Variants in MYH15 observed in about 807,000 individuals in gnomAD.
MYH15 encodes the protein myosin heavy chain 15.
A neutral mutation model predicts 240.5 loss-of-function variants in MYH15; 227 were observed. That is an observed-to-expected ratio of 0.94 (90% CI 0.85 to 1.05). The LOEUF is 1.05. Ranked by LOEUF, MYH15 falls within the 50% of genes least tolerant of loss-of-function variation. MYH15 has a pLI of 0.00. For synonymous variants in MYH15, 785 were observed against 796.7 expected (o/e 0.99, Z 0.25); for missense variants, 2,217 against 2,247.5 (o/e 0.99, Z 0.27).
At chr3:108,386,331 A>G (rs1050372639) in intron 38 of MYH15, among the ~76,000 whole-genome samples, 2 of 152,210 alleles carry the variant, frequency 1.3e-5, no homozygotes, top group African/African-American at 4.8e-5. Context: ...GGCATTGAGT[A>G]ACTGGTGACC....
intron 29 of MYH15, 136 bp downstream of exon 29, chr3:108,416,676 G>T: frequency 2.7e-6 from 2 of 732,134 alleles, no homozygotes; most frequent in Non-Finnish European, 2.3e-6. Context: ...TTCCTGGCAT[G>T]GTTTTTCCCC....
chr3:108,389,806 G>A (rs910174991), intron 37 of MYH15, among the ~76,000 whole-genome samples: 3 of 152,160 alleles, frequency 2.0e-5, no homozygotes, highest in African/African-American at 7.2e-5. Flanking sequence ...TGCCTAGGGG[G>A]CTCTTACCCA....
chr3:108,426,512 G>T (rs1177501920), intron 27 of MYH15, among the ~76,000 whole-genome samples: 1 of 152,176 alleles, frequency 6.6e-6, no homozygotes, highest in Non-Finnish European at 1.5e-5. Flanking sequence ...TTCAGCTCAG[G>T]TCACCACTCT....
intron 38 of MYH15, among the ~76,000 whole-genome samples, chr3:108,386,649 C>T (rs936979687): frequency 4.8e-4 from 73 of 151,884 alleles, no homozygotes; most frequent in Non-Finnish European, 2.2e-4. Flanking sequence ...TCTCCCTTCA[C>T]GTCTCTGCCC....
the MYH15 span, among the ~76,000 whole-genome samples, chr3:108,544,057 T>C: frequency 6.6e-6 from 1 of 152,242 alleles, no homozygotes; most frequent in Non-Finnish European, 1.5e-5. Context: ...GTTTTCAGAA[T>C]GATGATTTGT....
intron 28 of MYH15, among the ~76,000 whole-genome samples, chr3:108,417,959 C>T (rs1387756577): frequency 1.3e-5 from 2 of 151,974 alleles, no homozygotes; most frequent in African/African-American, 2.4e-5. Context: ...CAGAAAAGTC[C>T]AAGAGTTGAG....
intron 27 of MYH15, among the ~76,000 whole-genome samples, chr3:108,423,094 A>T (rs966764474): frequency 1.3e-5 from 2 of 152,110 alleles, no homozygotes; most frequent in African/African-American, 4.8e-5. Flanking sequence ...GGAAACAGGG[A>T]CTCTCACAAG....
chr3:108,421,733 G>C (rs9825000), intron 27 of MYH15, among the ~76,000 whole-genome samples: 2,599 of 152,242 alleles, frequency 0.017, 75 homozygotes, highest in African/African-American at 0.059. Flanking sequence ...AATCTAGAAG[G>C]CTGCCCAAGC....
intron 9 of MYH15, among the ~76,000 whole-genome samples, chr3:108,490,470 T>C (rs139209248): frequency 1.1e-4 from 17 of 152,342 alleles, no homozygotes; most frequent in African/African-American, 3.8e-4. Context: ...CAAATCAGCG[T>C]GTAGTTCTCC....
chr3:108,418,027 AG>A lies in MYH15; in HGVS notation c.3830-1098del, dbSNP rs552164572. Among the ~76,000 whole-genome samples the A allele has an allele frequency of 2.0e-5, 3 of 152,340 alleles. No homozygotes were observed. The South Asian group carries it at 6.2e-4, about 32-fold the overall frequency. Reference sequence around the variant, plus strand: ...TTCTAAAATATAATTTTTACCTAAAAGCTCCTATTTTGTTATTGGCAACAAA... The same window carrying A: ...TTCTAAAATATAATTTTTACCTAAAACTCCTATTTTGTTATTGGCAACAAA... On this transcript the variant is annotated intron_variant, in intron 28 of 40. Transcript: ENST00000693548.
At chr3:108,399,433 G>A (rs549975952) in intron 33 of MYH15, among the ~76,000 whole-genome samples, 166 bp from the exon 34 acceptor site, 3 of 152,348 alleles carry the variant, frequency 2.0e-5, no homozygotes, top group African/African-American at 7.2e-5. Context: ...AAAACAGAGA[G>A]AATGAGAAGT....
the MYH15 span, among the ~76,000 whole-genome samples, chr3:108,535,630 A>G: frequency 6.6e-6 from 1 of 152,190 alleles, no homozygotes; most frequent in Non-Finnish European, 1.5e-5. Flanking sequence ...AGATTTTAAT[A>G]TACACCCAAA....
intron 16 of MYH15, 109 bp from the exon 17 acceptor site, chr3:108,460,476 T>C (rs1560390230): frequency 4.4e-6 from 3 of 679,818 alleles, no homozygotes; most frequent in Non-Finnish European, 4.6e-6. Context: ...TCTAGAACAA[T>C]ATGGCAATAT....
At chr3:108,436,568 C>G (rs1042448993) in intron 25 of MYH15, among the ~76,000 whole-genome samples, 9 of 152,130 alleles carry the variant, frequency 5.9e-5, no homozygotes, top group Admixed American at 5.9e-4. Flanking sequence ...GAGACAGAGT[C>G]TCGCTCTGTC....
upstream of MYH15, among the ~76,000 whole-genome samples, chr3:108,529,586 G>A (rs2083698584): frequency 6.6e-6 from 1 of 152,018 alleles, no homozygotes; most frequent in South Asian, 2.1e-4. Flanking sequence ...CTCCAACATA[G>A]GTCTCTTGAC....
At chr3:108,517,150 T>C (rs999359020) in intron 1 of MYH15, among the ~76,000 whole-genome samples, 1 of 152,160 alleles carries the variant, frequency 6.6e-6, no homozygotes, top group African/African-American at 2.4e-5. Context: ...ACAATACAAA[T>C]TGTGAGTATC....
rs912512762 is a variant in MYH15, at chr3:108,487,350, A to G, written c.872-824T>C. Among the ~76,000 whole-genome samples, 8 of 152,244 alleles carry G rather than the reference A, an allele frequency of 5.3e-5. No homozygotes were observed. The South Asian group carries it at 1.4e-3, about 28-fold the overall frequency. On this transcript the variant is annotated intron_variant, in intron 9 of 40. Coordinates refer to ENST00000693548, the MANE Select transcript of MYH15 (RefSeq NM_014981.3). ...GAAATTGGGCTACATAAATGTTCATAGCAGTTTTGTTAGAAAACAAGTCAA... is the reference window on the plus strand; with the variant it reads ...GAAATTGGGCTACATAAATGTTCATGGCAGTTTTGTTAGAAAACAAGTCAA...
intron 4 of MYH15, 86 bp downstream of exon 4, chr3:108,500,032 C>T: frequency 2.1e-6 from 3 of 1,429,188 alleles, no homozygotes; most frequent in Admixed American, 4.8e-5. Context: ...CCATGCTCTG[C>T]TCACAATGCC....
At chr3:108,546,656 T>G in the MYH15 span, among the ~76,000 whole-genome samples, 4 of 152,060 alleles carry the variant, frequency 2.6e-5, no homozygotes, top group Admixed American at 6.6e-5. Context: ...ACAACTAAAA[T>G]GTTATATTTA....
Sources: gnomAD v4.1 joint callset for allele counts (sites outside exome capture counted in the v4.1 genomes callset) on GRCh38, gnomAD v4.1.1 for gene constraint, MANE v1.5 for transcripts, NCBI Gene and HGNC (gene_info 2026-07-23, HGNC 2026-07-21) for gene names.